CNTNAP2: variants seen among roughly 807,000 people sequenced by gnomAD.
CNTNAP2 encodes the protein contactin associated protein 2.
CNTNAP2 carries 98 observed loss-of-function variants against 155.2 expected under a neutral mutation model. The ratio of observed to expected loss-of-function variants is 0.63; its 90% confidence interval spans 0.54 to 0.75. The LOEUF (loss-of-function observed/expected upper bound fraction) is 0.75. Ranked by LOEUF, CNTNAP2 falls within the 30% of genes least tolerant of loss-of-function variation. The probability of loss-of-function intolerance (pLI) is 0.00; values close to 1 mark genes in which losing one functional copy is unlikely to be tolerated. For missense variants in CNTNAP2, 1,727 were observed against 1,688.1 expected, an observed-to-expected ratio of 1.02 and a Z score of -0.40; for synonymous variants, 651 against 631.2, an observed-to-expected ratio of 1.03 and a Z score of -0.47.
intron 1 of CNTNAP2, among the ~76,000 whole-genome samples, chr7:146,579,748 A>G (rs576379312): frequency 2.6e-5 from 4 of 152,160 alleles, no homozygotes; most frequent in Non-Finnish European, 5.9e-5. Context: ...ACAACCAAAA[A>G]TACAAACGAC....
intron 8 of CNTNAP2, among the ~76,000 whole-genome samples, chr7:147,206,803 G>A (rs900255587): frequency 1.3e-5 from 2 of 151,950 alleles, no homozygotes; most frequent in East Asian, 3.9e-4. Context: ...AACTTAGATG[G>A]TTTTATTTAT....
rs944545933 is a variant in CNTNAP2 at position 147,175,260 on chromosome 7, C to T, written c.1348+42751C>T. Among the ~76,000 whole-genome samples, 51 of 90,916 alleles carry T rather than the reference C, an allele frequency of 5.6e-4. 1 individual carries two copies. The highest frequency in any genetic ancestry group is 3.4e-4 in the Non-Finnish European group (15 of 44,408). The allele number at this position is 90,916 out of a possible 152,430, so 59.6% of individuals were successfully genotyped here. On this transcript the variant is annotated intron_variant, in intron 8 of 23. Transcript: ENST00000361727. ...CTAATTGAAATATGCAGCCCTTCTG[C>T]TCTTTTTTTGTAACTCCTATATTCC...
At chr7:147,339,694 A>ATT (rs11437566) in intron 9 of CNTNAP2, among the ~76,000 whole-genome samples, 4 of 151,792 alleles carry the variant, frequency 2.6e-5, no homozygotes, top group Middle Eastern at 3.2e-3. Flanking sequence ...CAAAGCAAGA[A>ATT]TTTTTTTTCC....
chr7:146,640,150 CA>C (rs1289679979), intron 1 of CNTNAP2, among the ~76,000 whole-genome samples: 4 of 152,196 alleles, frequency 2.6e-5, no homozygotes, highest in African/African-American at 7.2e-5. Flanking sequence ...AATATCTTAG[CA>C]AAACATTTTT....
At position 146,319,910 on chromosome 7, in the gene CNTNAP2, C is replaced by A. The variant is rs114899556; in HGVS notation, c.97+202937C>A. 5.6e-3 allele frequency among the ~76,000 whole-genome samples: 856 copies of A among 152,132 alleles called. 9 individuals carry two copies. Among genetic ancestry groups the A allele is most frequent in the African/African-American group, 0.02 (825 of 41,516 alleles). ...TCTGCTACATGAAGGGAGGAAAAGG[C>A]GAGTTCATTCTTTTGATTTTACACA... On this transcript the variant is annotated intron_variant, in intron 1 of 23. Coordinates refer to ENST00000361727, the MANE Select transcript of CNTNAP2 (RefSeq NM_014141.6).
At chr7:148,407,284 A>G (rs1004125188) in intron 22 of CNTNAP2, among the ~76,000 whole-genome samples, 1 of 152,232 alleles carries the variant, frequency 6.6e-6, no homozygotes, top group African/African-American at 2.4e-5. Flanking sequence ...GGGAATATTA[A>G]TCCACACTAC....
rs746520358 is a variant in CNTNAP2, at chr7:148,383,700, C to T, written c.3527C>T (p.Thr1176Ile). 2.5e-6 allele frequency: 4 copies of T among 1,614,106 alleles called. No homozygotes were observed. Among genetic ancestry groups the T allele is most frequent in the Middle Eastern group, 1.6e-4 (1 of 6,084 alleles). ...EIHKYNTPGF[T>I]GCLSRVQFNQ... ...CACAAATACAACACCCCAGGATTCA[C>T]TGGTTGCCTCTCCAGAGTCCAGTTC... Residue 1176 changes from threonine (T) to isoleucine (I), a missense_variant, in exon 22 of 24, where the codon ACT becomes ATT. By Grantham distance (89) the Thr-to-Ile change is moderately conservative (BLOSUM62 -1). Coordinates refer to ENST00000361727, the MANE Select transcript of CNTNAP2 (RefSeq NM_014141.6).
chr7:146,716,959 G>T (rs548610588), intron 1 of CNTNAP2, among the ~76,000 whole-genome samples: 1 of 152,252 alleles, frequency 6.6e-6, no homozygotes, highest in Non-Finnish European at 1.5e-5. Context: ...TATCTAGAAA[G>T]ATATTCAAGA....
At chr7:147,141,678 T>C (rs1307958852) in intron 8 of CNTNAP2, among the ~76,000 whole-genome samples, 3 of 152,120 alleles carry the variant, frequency 2.0e-5, no homozygotes, top group Non-Finnish European at 4.4e-5. Flanking sequence ...CTACCTCTCA[T>C]ATTCATGAAA....
intron 1 of CNTNAP2, among the ~76,000 whole-genome samples, chr7:146,506,158 G>A (rs934632261): frequency 5.3e-5 from 8 of 152,136 alleles, no homozygotes; most frequent in Non-Finnish European, 1.2e-4. Flanking sequence ...TTGTTGGTTG[G>A]CCATCCTGCA....
chr7:146,121,879 TG>T, intron 1 of CNTNAP2, among the ~76,000 whole-genome samples: 1 of 152,334 alleles, frequency 6.6e-6, no homozygotes, highest in Middle Eastern at 3.4e-3. Context: ...TATATACAGC[TG>T]TTAATTTTCA....
chr7:146,370,644 T>C (rs1353520677), intron 1 of CNTNAP2, among the ~76,000 whole-genome samples: 1 of 151,908 alleles, frequency 6.6e-6, no homozygotes, highest in Non-Finnish European at 1.5e-5. Context: ...CGCCACTCAT[T>C]AATCTTTTTT....
At chr7:146,539,792 T>C (rs1472032904) in intron 1 of CNTNAP2, among the ~76,000 whole-genome samples, 3 of 152,140 alleles carry the variant, frequency 2.0e-5, no homozygotes, top group African/African-American at 7.2e-5. Context: ...TCTCTTTTTC[T>C]TGCTTGAGAG....
chr7:147,321,501 G>C (rs894387623), intron 9 of CNTNAP2, among the ~76,000 whole-genome samples: 1 of 152,040 alleles, frequency 6.6e-6, no homozygotes, highest in Non-Finnish European at 1.5e-5. Context: ...ATTTTAGACT[G>C]TCAACATAAG....
chr7:146,453,286 G>T (rs931142539), intron 1 of CNTNAP2, among the ~76,000 whole-genome samples: 1 of 152,210 alleles, frequency 6.6e-6, no homozygotes, highest in Non-Finnish European at 1.5e-5. Flanking sequence ...ACTATCTGCT[G>T]CTTATTCCCA....
chr7:146,242,856 T>C (rs925042433), intron 1 of CNTNAP2, among the ~76,000 whole-genome samples: 1 of 152,204 alleles, frequency 6.6e-6, no homozygotes, highest in African/African-American at 2.4e-5. Context: ...TAGAAGATGA[T>C]GTCATCTTTC....
At chr7:146,810,678 T>G (rs746172590) in intron 2 of CNTNAP2, among the ~76,000 whole-genome samples, 10 of 152,082 alleles carry the variant, frequency 6.6e-5, no homozygotes, top group Non-Finnish European at 1.5e-5. Context: ...CTAGGTTGAA[T>G]AGAAGTGACA....
chr7:147,609,249 G>A (rs1320853179), intron 12 of CNTNAP2, among the ~76,000 whole-genome samples: 1 of 152,134 alleles, frequency 6.6e-6, no homozygotes, highest in Non-Finnish European at 1.5e-5. Context: ...AGAAGGTGGT[G>A]GGCCGGGCGC....
At chr7:147,232,629 A>G (rs1251014395) in intron 8 of CNTNAP2, among the ~76,000 whole-genome samples, 4 of 152,232 alleles carry the variant, frequency 2.6e-5, no homozygotes, top group African/African-American at 9.6e-5. Context: ...CTGGATATTC[A>G]TATGTAAAAG....
Sources: allele counts gnomAD v4.1 joint callset (sites outside exome capture counted in the v4.1 genomes callset), GRCh38; gene constraint gnomAD v4.1.1; transcripts MANE v1.5; gene names NCBI Gene and HGNC (gene_info 2026-07-23, HGNC 2026-07-21).